Variants in CPPED1 observed in about 807,000 individuals in gnomAD.
CPPED1 encodes the protein calcineurin like phosphoesterase domain containing 1.
CPPED1 carries 28 observed loss-of-function variants against 28.0 expected under a neutral mutation model. That is an observed-to-expected ratio of 1.00 (90% confidence interval 0.74 to 1.37). The LOEUF (loss-of-function observed/expected upper bound fraction) is 1.37. Among genes scored for constraint, CPPED1 ranks in the 40% most tolerant of loss-of-function variants. The pLI is 0.00. For missense variants in CPPED1, 504 were observed against 416.5 expected (o/e 1.21, Z -1.83); for synonymous variants, 198 against 180.2 (o/e 1.10, Z -0.79).
chr16:12,730,360 C>G (rs2080191083), intron 2 of CPPED1, among the ~76,000 whole-genome samples: 1 of 152,318 alleles, frequency 6.6e-6, no homozygotes, highest in South Asian at 2.1e-4. Context: ...CAAGAATCAA[C>G]TGGCTTTGGA....
At position 12,664,995 on chromosome 16, in the gene CPPED1, C is replaced by G. The variant is rs763075155; in HGVS notation, c.836G>C (p.Arg279Pro). The G allele has an allele frequency of 6.2e-7, 1 of 1,611,560 alleles. No homozygotes were observed. The highest frequency in any genetic ancestry group is 1.1e-5 in the South Asian group (1 of 90,800). The change falls in exon 4 of 4, where the codon CGA becomes CCA. Residue 279 changes from arginine to proline, a missense_variant. Coordinates refer to ENST00000381774, the MANE Select transcript of CPPED1 (RefSeq NM_018340.3). The surrounding 1 kb of genome is among the most constrained non-coding windows in gnomAD (Gnocchi z 4.2). ...TTTCTCGGCGGTGACCACCACGACT[C>G]GGAGCCCGTGGGGGTCTCTGCCCAG... ...CQLGRDPHGL[R>P]VVVVTAEKIV...
chr16:12,794,158 A>G (rs2080612770), intron 1 of CPPED1, among the ~76,000 whole-genome samples: 1 of 152,150 alleles, frequency 6.6e-6, no homozygotes. Flanking sequence ...TATGCAGCAG[A>G]TAAGAGTGTC....
chr16:12,710,334 T>A (rs1166849247), intron 2 of CPPED1, among the ~76,000 whole-genome samples: 1 of 152,026 alleles, frequency 6.6e-6, no homozygotes, highest in East Asian at 1.9e-4. Flanking sequence ...CCCAGACATC[T>A]GAGCAACTGG....
chr16:12,803,733 C>G lies in CPPED1; in HGVS notation c.44G>C (p.Gly15Ala). 6.3e-7 allele frequency: 1 copy of G among 1,594,210 alleles called. No homozygotes were observed. The highest frequency in any genetic ancestry group is 8.5e-7 in the Non-Finnish European group (1 of 1,171,792). The change falls in exon 1 of 4, where the codon GGC (glycine) becomes GCC (alanine). Residue 15 changes from glycine to alanine, a missense_variant. Gly to Ala is a moderately conservative substitution (Grantham distance 60). Transcript: ENST00000381774. ...TGCGGGAAACGCGGCCAGGGTCCTGCCCCTGGCTCTGTGGAAAACACCCCC... is the reference window on the plus strand; with the variant it reads ...TGCGGGAAACGCGGCCAGGGTCCTGGCCCTGGCTCTGTGGAAAACACCCCC... Reference protein sequence around the residue: ...EAGGVFHRARGRTLAAFPAEK... With the variant: ...EAGGVFHRARARTLAAFPAEK...
intron 1 of CPPED1, among the ~76,000 whole-genome samples, chr16:12,792,348 T>G (rs1055566064): frequency 1.3e-5 from 2 of 152,098 alleles, no homozygotes; most frequent in Non-Finnish European, 2.9e-5. Context: ...TACAGACATT[T>G]TGAGGTATCA....
At chr16:12,754,056 C>A (rs2080348703) in intron 2 of CPPED1, 1 of 152,090 alleles carries the variant, frequency 6.6e-6, no homozygotes, top group African/African-American at 2.4e-5. Flanking sequence ...AGGCTCTGCA[C>A]GCAGAGTTTT....
chr16:12,717,268 A>G (rs756504904), intron 2 of CPPED1, among the ~76,000 whole-genome samples: 2 of 152,076 alleles, frequency 1.3e-5, no homozygotes, highest in Non-Finnish European at 2.9e-5. Flanking sequence ...TCCTATTGGG[A>G]TCTTTTTTTC....
At chr16:12,803,266 T>C (rs1883986110) in intron 1 of CPPED1, among the ~76,000 whole-genome samples, 3 of 152,298 alleles carry the variant, frequency 2.0e-5, no homozygotes, top group African/African-American at 4.8e-5. Flanking sequence ...ACAGAATACA[T>C]AACGGTGAAC....
chr16:12,716,332 C>A (rs1426254271), intron 2 of CPPED1, among the ~76,000 whole-genome samples: 3 of 152,228 alleles, frequency 2.0e-5, no homozygotes, highest in African/African-American at 7.2e-5. Context: ...GCACTTGGTA[C>A]ACATGAGGCA....
At position 12,661,920 on chromosome 16, in the gene CPPED1, A is replaced by ATAC. The variant is rs764080899; in HGVS notation, c.*2963_*2965dup. On this transcript the variant is annotated 3_prime_UTR_variant, in exon 4 of 4. Transcript: ENST00000381774. ...CAGCTAACGCTGTCCAAGGTGCTGA[A>ATAC]TACCGTACTCAGTGTGTTGCCACTG... is the stretch of plus-strand genomic sequence containing the variant. 2.0e-5 allele frequency: 3 copies of ATAC among 152,388 alleles called. No individual in the cohort carries two copies. The highest frequency in any genetic ancestry group is 4.4e-5 in the Non-Finnish European group (3 of 68,176). The allele number at this position is 152,388 out of a possible 1,614,324, so 9.4% of individuals were successfully genotyped here. A position where few individuals can be genotyped will look rare whatever the true frequency, so the allele number is the denominator to read the frequency against.
chr16:12,679,939 A>G (rs998873570), intron 3 of CPPED1, among the ~76,000 whole-genome samples: 4 of 152,210 alleles, frequency 2.6e-5, no homozygotes, highest in African/African-American at 9.6e-5. Context: ...TAGCCAATGG[A>G]AAAGAGAAGA....
chr16:12,766,242 A>AATATATATATATATATATAT lies in CPPED1; in HGVS notation c.289+14942_289+14943insATATATATATATATATATAT, dbSNP rs71393703. Among the ~76,000 whole-genome samples the AATATATATATATATATATAT allele has an allele frequency of 3.2e-4, 40 of 126,608 alleles. 2 individuals are homozygous for AATATATATATATATATATAT. Among genetic ancestry groups the AATATATATATATATATATAT allele is most frequent in the African/African-American group, 1.4e-3 (37 of 26,886 alleles). The allele number at this position is 126,608 out of a possible 152,430, so 83.1% of individuals were successfully genotyped here. ...ACCCCATCTCTACAAAAAAAATACA[A>AATATATATATATATATATAT]ATATATATATATATAGAGAGAGAGA... On this transcript the variant is annotated intron_variant, in intron 2 of 3. Transcript: ENST00000381774.
chr16:12,777,782 T>C (rs4536458), intron 2 of CPPED1, among the ~76,000 whole-genome samples: 107,104 of 151,846 alleles, frequency 0.71, 37,869 homozygotes, highest in Middle Eastern at 0.74. Context: ...AACACTGTAA[T>C]TGGCACTTAG....
At chr16:12,728,230 G>C (rs1035920429) in intron 2 of CPPED1, among the ~76,000 whole-genome samples, 5 of 152,126 alleles carry the variant, frequency 3.3e-5, no homozygotes, top group African/African-American at 1.2e-4. Flanking sequence ...AGGGAATTCA[G>C]TGTAAGAGAG....
intron 2 of CPPED1, among the ~76,000 whole-genome samples, chr16:12,733,022 C>G (rs1429062324): frequency 6.6e-6 from 1 of 152,044 alleles, no homozygotes; most frequent in African/African-American, 2.4e-5. Context: ...GAAATTTCAC[C>G]AAAAAGCTGA....
At position 12,661,812 on chromosome 16, in the gene CPPED1, T is replaced by C. The variant is rs954561156; in HGVS notation, c.*3074A>G. 8.5e-5 allele frequency: 13 copies of C among 152,518 alleles called. No individual in the cohort carries two copies. The highest frequency in any genetic ancestry group is 3.1e-4 in the African/African-American group (13 of 41,478). The allele number at this position is 152,518 out of a possible 1,614,324, so 9.4% of individuals were successfully genotyped here. A position where few individuals can be genotyped will look rare whatever the true frequency, so the allele number is the denominator to read the frequency against. On this transcript the variant is annotated 3_prime_UTR_variant, in exon 4 of 4. Transcript: ENST00000381774. ...CCTCCCCCTGGAACCATCTGCTCTT[T>C]GGACAAGCTTCTGCCCCCTGAACCT...
chr16:12,683,187 G>A (rs1260128364), intron 3 of CPPED1, among the ~76,000 whole-genome samples: 9 of 152,310 alleles, frequency 5.9e-5, no homozygotes, highest in South Asian at 4.1e-4. Flanking sequence ...GTGAGATTCC[G>A]TTTGAATAAC....
chr16:12,692,517 G>A (rs1055330274), intron 3 of CPPED1, among the ~76,000 whole-genome samples: 2 of 152,118 alleles, frequency 1.3e-5, no homozygotes. Flanking sequence ...TATTTCATCT[G>A]ATCCCCACAA....
intron 2 of CPPED1, among the ~76,000 whole-genome samples, chr16:12,780,702 C>T (rs867466920): frequency 6.9e-6 from 1 of 145,578 alleles, no homozygotes; most frequent in African/African-American, 2.6e-5. Context: ...TGCTCCCAGA[C>T]TTTACAGTCC....
Sources: allele counts gnomAD v4.1 joint callset (sites outside exome capture counted in the v4.1 genomes callset), GRCh38; gene constraint gnomAD v4.1.1; non-coding constraint Gnocchi (gnomAD v3.1); transcripts MANE v1.5; gene names NCBI Gene and HGNC (gene_info 2026-07-23, HGNC 2026-07-21).